Variants in RPTOR observed in about 807,000 individuals in gnomAD.
RPTOR encodes regulatory-associated protein of mTOR.
Under a neutral mutation model 169.9 loss-of-function variants are expected in RPTOR, and 21 were observed. That is an observed-to-expected ratio of 0.12 (90% CI 0.09 to 0.18). RPTOR has a LOEUF of 0.18. RPTOR is among the 10% of genes least tolerant of loss of function. The pLI, the probability that RPTOR is intolerant of heterozygous loss-of-function variation, is 1.00. For missense variants in RPTOR, 1,133 were observed against 1,855.9 expected (o/e 0.61, Z 7.16); for synonymous variants, 732 against 753.2 (o/e 0.97, Z 0.46).
intron 7 of RPTOR, among the ~76,000 whole-genome samples, chr17:80,821,560 G>A (rs1033123032): frequency 2.6e-5 from 4 of 152,172 alleles, no homozygotes; most frequent in Admixed American, 6.5e-5. Flanking sequence ...ATGCGAAATG[G>A]CAGCAGCCTC....
intron 1 of RPTOR, among the ~76,000 whole-genome samples, chr17:80,552,646 A>G (rs2084359562): frequency 1.3e-5 from 2 of 152,186 alleles, no homozygotes; most frequent in Admixed American, 6.5e-5. Context: ...TTCCACATAC[A>G]TTATCTTTAA....
At chr17:80,564,865 G>A (rs796179175) in intron 1 of RPTOR, among the ~76,000 whole-genome samples, 6 of 152,272 alleles carry the variant, frequency 3.9e-5, no homozygotes, top group African/African-American at 1.4e-4. Context: ...TTCTGTTCCC[G>A]TGTTAGTTTG....
chr17:80,758,980 T>A (rs1415939546), intron 6 of RPTOR, among the ~76,000 whole-genome samples: 2 of 151,528 alleles, frequency 1.3e-5, no homozygotes, highest in Non-Finnish European at 2.9e-5. Context: ...TTCATCTAGT[T>A]GACGGGTTTC....
At chr17:80,676,023 T>C (rs1031630195) in intron 3 of RPTOR, among the ~76,000 whole-genome samples, 4 of 152,206 alleles carry the variant, frequency 2.6e-5, no homozygotes, top group African/African-American at 9.7e-5. Flanking sequence ...CTGAAAGAAA[T>C]AGAAAATGTA....
At chr17:80,680,415 C>T (rs929636123) in intron 3 of RPTOR, among the ~76,000 whole-genome samples, 2 of 152,190 alleles carry the variant, frequency 1.3e-5, no homozygotes, top group Non-Finnish European at 1.5e-5. Flanking sequence ...GTAGGTGGAT[C>T]ATGAGGCCAG....
chr17:80,708,027 G>T lies in RPTOR; in HGVS notation c.507+28G>T. 6.2e-7 allele frequency: 1 copy of T among 1,602,044 alleles called. No individual in the cohort carries two copies. Among genetic ancestry groups the T allele is most frequent in the South Asian group, 1.1e-5 (1 of 89,598 alleles). On this transcript the variant is annotated intron_variant, in intron 4 of 33. Transcript: ENST00000306801. This position sits in a 1 kb window ranked among gnomAD's most constrained non-coding sequence, Gnocchi z 4.2. ...GGGTGTGCCTTCCAGCTTCCTTCCC[G>T]TTTCTGCCAAAAGCCATGCCAATTG...
At chr17:80,755,177 A>T (rs2066668002) in intron 6 of RPTOR, among the ~76,000 whole-genome samples, 1 of 152,144 alleles carries the variant, frequency 6.6e-6, no homozygotes, top group African/African-American at 2.4e-5. Context: ...GGGGTTCATG[A>T]TGTTGGGGTG....
chr17:80,900,761 C>T (rs544665295), intron 20 of RPTOR, among the ~76,000 whole-genome samples: 11 of 152,338 alleles, frequency 7.2e-5, no homozygotes, highest in South Asian at 2.1e-4. Flanking sequence ...TCCACTCACA[C>T]GTATCTGGCC....
intron 25 of RPTOR, among the ~76,000 whole-genome samples, chr17:80,944,938 C>G (rs2144050623): frequency 6.6e-6 from 1 of 150,964 alleles, no homozygotes; most frequent in South Asian, 2.1e-4. Context: ...TGGCAGTGAG[C>G]CAAGATCACA....
intron 6 of RPTOR, among the ~76,000 whole-genome samples, chr17:80,789,267 A>G (rs117341874): frequency 6.6e-6 from 1 of 152,274 alleles, no homozygotes; most frequent in Non-Finnish European, 1.5e-5. Flanking sequence ...CATTGTAGAC[A>G]TTCTAGATTC....
intron 3 of RPTOR, among the ~76,000 whole-genome samples, chr17:80,680,434 G>T (rs1410203277): frequency 6.6e-6 from 1 of 152,152 alleles, no homozygotes; most frequent in African/African-American, 2.4e-5. Context: ...AGGAGTTCAA[G>T]ACCAGCCTGG....
chr17:80,575,629 C>T (rs1215067639), intron 1 of RPTOR, among the ~76,000 whole-genome samples: 3 of 152,156 alleles, frequency 2.0e-5, no homozygotes, highest in Non-Finnish European at 4.4e-5. Context: ...CTTATAGGCC[C>T]GTGCGTGGTC....
chr17:80,718,991 G>T (rs946710195), intron 4 of RPTOR, among the ~76,000 whole-genome samples: 1 of 152,212 alleles, frequency 6.6e-6, no homozygotes, highest in African/African-American at 2.4e-5. Flanking sequence ...TAGGACAGGT[G>T]GAGGTTGAGT....
chr17:80,943,939 C>T lies in RPTOR; in HGVS notation c.3026-1728C>T, dbSNP rs115926469. On this transcript the variant is annotated intron_variant, in intron 25 of 33. Coordinates refer to ENST00000306801, the MANE Select transcript of RPTOR (RefSeq NM_020761.3). ...GTTGCCCAGAGGCCACACAGGTGACCGCAGCCAAGGCCAGGAGGCAGCCCA... is the reference window on the plus strand; with the variant it reads ...GTTGCCCAGAGGCCACACAGGTGACTGCAGCCAAGGCCAGGAGGCAGCCCA... Among the ~76,000 whole-genome samples, 980 of 152,312 alleles carry T rather than the reference C, an allele frequency of 6.4e-3. 7 individuals carry two copies. Among genetic ancestry groups the T allele is most frequent in the African/African-American group, 0.023 (940 of 41,558 alleles).
At chr17:80,722,046 A>T (rs2066291003) in intron 4 of RPTOR, among the ~76,000 whole-genome samples, 1 of 151,030 alleles carries the variant, frequency 6.6e-6, no homozygotes, top group Non-Finnish European at 1.5e-5. Flanking sequence ...TCTTTTAGTT[A>T]ATTTTAAAAT....
At chr17:80,626,574 A>G (rs1407659085) in intron 2 of RPTOR, among the ~76,000 whole-genome samples, 1 of 152,094 alleles carries the variant, frequency 6.6e-6, no homozygotes, top group African/African-American at 2.4e-5. Flanking sequence ...AGCACTTTAC[A>G]ATGCTCACAA....
Position 80,676,037 on chromosome 17 carries a change from G to GTCTAGTATCAAGTGTAGCCA in RPTOR, c.349-31804_349-31803insTCTAGTATCAAGTGTAGCCA, listed in dbSNP as rs2065859234. On this transcript the variant is annotated intron_variant, in intron 3 of 33. Coordinates refer to ENST00000306801, the MANE Select transcript of RPTOR (RefSeq NM_020761.3). ...TCTGAAAGAAATAGAAAATGTAGCT[G>GTCTAGTATCAAGTGTAGCCA]AGTGTCTAGTATCAAGTGTAGCCAT... 3.3e-5 allele frequency among the ~76,000 whole-genome samples: 5 copies of GTCTAGTATCAAGTGTAGCCA among 152,304 alleles called. No individual in the cohort carries two copies. The East Asian group carries it at 9.7e-4, about 29-fold the overall frequency.
rs1452543474 is a variant in RPTOR at position 80,880,447 on chromosome 17, C to T, written c.1542C>T (p.Gly514=). ...AAGCGGACCTCGTGAAGGACAACGG[C>T]CACAAGTACTTCCTGTCGGTCCTGG... ...SCQADLVKDN[G]HKYFLSVLAD... is the part of the protein sequence containing the mutation. Residue 514 remains glycine (G), a synonymous_variant, in exon 14 of 34, where the codon GGC becomes GGT. Coordinates refer to ENST00000306801, the MANE Select transcript of RPTOR (RefSeq NM_020761.3). 5 of 1,613,678 alleles carry T rather than the reference C, an allele frequency of 3.1e-6. No homozygotes were observed. The highest frequency in any genetic ancestry group is 3.3e-5 in the Admixed American group (2 of 60,006).
At chr17:80,572,342 G>A in intron 1 of RPTOR, among the ~76,000 whole-genome samples, 1 of 152,114 alleles carries the variant, frequency 6.6e-6, no homozygotes, top group African/African-American at 2.4e-5. Flanking sequence ...GGACAAATGA[G>A]CATTCTTATA....
Sources: allele counts gnomAD v4.1 joint callset (sites outside exome capture counted in the v4.1 genomes callset), GRCh38; gene constraint gnomAD v4.1.1; non-coding constraint Gnocchi (gnomAD v3.1); transcripts MANE v1.5; gene names NCBI Gene and HGNC (gene_info 2026-07-23, HGNC 2026-07-21).